The following BDH1 variants were observed in gnomAD, a reference collection of about 807,000 sequenced individuals.
BDH1 encodes the protein 3-hydroxybutyrate dehydrogenase 1, also known as D-beta-hydroxybutyrate dehydrogenase, mitochondrial.
Under a neutral mutation model 33.1 loss-of-function variants are expected in BDH1, and 30 were observed. The ratio of observed to expected loss-of-function variants is 0.91; its 90% CI spans 0.68 to 1.23. BDH1 has a LOEUF of 1.23. BDH1 is among the 50% of genes most tolerant of loss of function. The pLI is 0.00. For missense variants in BDH1, 443 were observed against 464.4 expected (o/e 0.95, Z 0.42); for synonymous variants, 190 against 183.6 (o/e 1.03, Z -0.28).
chr3:197,524,328 C>T (rs562871237), intron 5 of BDH1, among the ~76,000 whole-genome samples: 1 of 152,346 alleles, frequency 6.6e-6, no homozygotes, highest in South Asian at 2.1e-4. Flanking sequence ...AAGCAAACAT[C>T]CCAGGCGCGG....
intron 6 of BDH1, among the ~76,000 whole-genome samples, chr3:197,519,285 T>C (rs1281122145): frequency 6.6e-6 from 1 of 152,088 alleles, no homozygotes; most frequent in Non-Finnish European, 1.5e-5. Context: ...GCTGGACGGC[T>C]CAGAGCACTC....
chr3:197,537,937 G>A (rs1412588180), intron 3 of BDH1, among the ~76,000 whole-genome samples: 1 of 152,136 alleles, frequency 6.6e-6, no homozygotes. Flanking sequence ...GAGCTTACTG[G>A]TATTTCTGGG....
At chr3:197,524,542 C>T (rs577246630) in intron 5 of BDH1, among the ~76,000 whole-genome samples, 10 of 152,296 alleles carry the variant, frequency 6.6e-5, no homozygotes, top group South Asian at 2.1e-4. Context: ...GTAGTCACCC[C>T]GGAGAGAAGA....
intron 5 of BDH1, among the ~76,000 whole-genome samples, chr3:197,524,032 A>G (rs1713836453): frequency 6.6e-6 from 1 of 152,194 alleles, no homozygotes. Context: ...CTAAGTGCTG[A>G]TGTGCTTTGT....
chr3:197,547,814 C>T (rs34640900), intron 2 of BDH1, among the ~76,000 whole-genome samples: 25,811 of 152,204 alleles, frequency 0.17, 2,902 homozygotes, highest in African/African-American at 0.32. Context: ...TCCTTGCCCA[C>T]GTGAGGGCGT....
At position 197,511,453 on chromosome 3, in the gene BDH1, A is replaced by G. The variant is rs2567332; in HGVS notation, c.*442T>C. On this transcript the variant is annotated 3_prime_UTR_variant, in exon 8 of 8. Transcript: ENST00000392379. ...TGTGAAGTATTTCCACAGCCGTGGC[A>G]GGAACACATAACTGGCACTATTTAT... 112,584 of 168,422 alleles carry G rather than the reference A, an allele frequency of 0.67. 39,218 individuals carry two copies. The highest frequency in any genetic ancestry group is 0.81 in the African/African-American group (34,179 of 42,156). The allele number at this position is 168,422 out of a possible 1,614,324, so 10.4% of individuals were successfully genotyped here.
chr3:197,543,175 G>A (rs763465580), intron 3 of BDH1: 18 of 985,256 alleles, frequency 1.8e-5, no homozygotes, highest in South Asian at 9.4e-5. Flanking sequence ...CTAACAAGAC[G>A]GGGCTTAGGA....
chr3:197,558,830 C>T (rs1365503760), upstream of BDH1, among the ~76,000 whole-genome samples: 1 of 152,152 alleles, frequency 6.6e-6, no homozygotes, highest in African/African-American at 2.4e-5. Context: ...CCTTGTCTCA[C>T]AACACTGGCA....
At chr3:197,551,070 C>T (rs1356710030) in intron 2 of BDH1, among the ~76,000 whole-genome samples, 1 of 152,124 alleles carries the variant, frequency 6.6e-6, no homozygotes, top group Non-Finnish European at 1.5e-5. Flanking sequence ...ACAAACAATC[C>T]AATTATACTC....
At position 197,565,136 on chromosome 3, in the gene BDH1, G is replaced by A. The variant is rs918211059; in HGVS notation, c.-44+8045C>T. 3.9e-5 allele frequency among the ~76,000 whole-genome samples: 6 copies of A among 152,196 alleles called. 1 individual carries two copies. The South Asian group carries it at 6.2e-4, about 16-fold the overall frequency. ...AGGGTTTCTCCATGTTGGTCAGGCT[G>A]GTCTCAAACTCCCAACCTCGGGTGA... On this transcript the variant is annotated intron_variant, in intron 1 of 6. Transcript: ENST00000358186.
intron 1 of BDH1, among the ~76,000 whole-genome samples, chr3:197,570,098 T>C (rs533935138): frequency 1.7e-4 from 26 of 152,272 alleles, no homozygotes; most frequent in Admixed American, 1.6e-3. Flanking sequence ...GGAGTAAAGG[T>C]GACTCTTGTT....
chr3:197,546,414 C>T lies in BDH1; in HGVS notation c.30G>A (p.Leu10=). ...TTAGGGTTTTTCCTGGGAGCCGTGACAGGGGTCTGGAGAGGCGGGTGGCCA... is the reference window on the plus strand; with the variant it reads ...TTAGGGTTTTTCCTGGGAGCCGTGATAGGGGTCTGGAGAGGCGGGTGGCCA... The part of the protein sequence containing the change: MLATRLSRP[L]SRLPGKTLSA... The change falls in exon 3 of 8, where the codon CTG becomes CTA. Residue 10 remains leucine, a synonymous_variant. Coordinates refer to ENST00000392379, the MANE Select transcript of BDH1 (RefSeq NM_203314.3). The T allele has an allele frequency of 6.2e-7, 1 of 1,614,154 alleles. No individual in the cohort carries two copies. Among genetic ancestry groups the T allele is most frequent in the East Asian group, 2.2e-5 (1 of 44,884 alleles).
intron 3 of BDH1, among the ~76,000 whole-genome samples, chr3:197,544,821 C>T (rs1166431687): frequency 2.0e-5 from 3 of 152,176 alleles, no homozygotes; most frequent in Non-Finnish European, 2.9e-5. Flanking sequence ...CCGAGGCAGG[C>T]GGATCAGTTG....
intron 5 of BDH1, among the ~76,000 whole-genome samples, chr3:197,527,461 G>A (rs1257999973): frequency 6.6e-6 from 1 of 152,128 alleles, no homozygotes; most frequent in East Asian, 1.9e-4. Context: ...GCCCACCAGG[G>A]CACTGGGCTT....
intron 1 of BDH1, among the ~76,000 whole-genome samples, chr3:197,561,272 C>A (rs1476061637): frequency 1.3e-5 from 2 of 152,114 alleles, no homozygotes; most frequent in East Asian, 3.8e-4. Context: ...TGGGAGCACA[C>A]CCTCCAGAGA....
chr3:197,529,307 G>T (rs1714432483), intron 5 of BDH1: 1 of 152,264 alleles, frequency 6.6e-6, no homozygotes, highest in Admixed American at 6.5e-5. Flanking sequence ...TACCGGTTGA[G>T]CATCCCTAAT....
intron 2 of BDH1, among the ~76,000 whole-genome samples, chr3:197,551,522 T>C (rs562331336): frequency 3.3e-5 from 5 of 152,346 alleles, no homozygotes; most frequent in African/African-American, 1.2e-4. Context: ...TAAAAAGTGC[T>C]GGAACCAACA....
intron 1 of BDH1, among the ~76,000 whole-genome samples, chr3:197,568,284 T>C (rs887051077): frequency 6.0e-5 from 9 of 150,642 alleles, no homozygotes; most frequent in Non-Finnish European, 5.9e-5. Context: ...TTATTAAAGT[T>C]TTGTGGGTTT....
At chr3:197,558,937 C>G (rs552527882), upstream of BDH1, among the ~76,000 whole-genome samples, 1 of 152,170 alleles carries the variant, frequency 6.6e-6, no homozygotes, top group Non-Finnish European at 1.5e-5. Flanking sequence ...AAAGTAGTGC[C>G]TCAAACTCTG....
Sources: allele counts gnomAD v4.1 joint callset (sites outside exome capture counted in the v4.1 genomes callset), GRCh38; gene constraint gnomAD v4.1.1; transcripts MANE v1.5; gene names NCBI Gene and HGNC (gene_info 2026-07-23, HGNC 2026-07-21).